Variants in MTA3 observed in about 807,000 individuals in gnomAD.
MTA3 encodes metastasis associated 1 family member 3.
Under a neutral mutation model 83.5 loss-of-function variants are expected in MTA3, and 34 were observed. The ratio of observed to expected loss-of-function variants is 0.41; its 90% confidence interval spans 0.31 to 0.54. The LOEUF (loss-of-function observed/expected upper bound fraction) is 0.54, where lower values mean the gene tolerates loss of function less well. MTA3 is among the 20% of genes least tolerant of loss of function. The probability of loss-of-function intolerance (pLI) is 0.33; values close to 1 mark genes in which losing one functional copy is unlikely to be tolerated. For missense variants in MTA3, 761 were observed against 726.4 expected (o/e 1.05, Z -0.55); for synonymous variants, 303 against 252.7 (o/e 1.20, Z -1.89).
At chr2:42,583,327 C>T (rs372021389) in intron 3 of MTA3, among the ~76,000 whole-genome samples, 1 of 152,086 alleles carries the variant, frequency 6.6e-6, no homozygotes, top group South Asian at 2.1e-4. Context: ...ATGTATCTTA[C>T]TGTATTTCTG....
At chr2:42,575,032 T>C (rs1678892463) in intron 2 of MTA3, among the ~76,000 whole-genome samples, 1 of 152,192 alleles carries the variant, frequency 6.6e-6, no homozygotes, top group Non-Finnish European at 1.5e-5. Flanking sequence ...AGAAAGTTAA[T>C]TACATCGAAA....
At chr2:42,553,501 C>T (rs1190617464) in intron 2 of MTA3, among the ~76,000 whole-genome samples, 10 of 150,910 alleles carry the variant, frequency 6.6e-5, no homozygotes, top group Admixed American at 1.3e-4. Flanking sequence ...TTTGGGAGGC[C>T]GAGGCGGGCA....
chr2:42,640,399 G>T (rs375973865), intron 5 of MTA3, among the ~76,000 whole-genome samples, 163 bp downstream of exon 5: 1 of 152,082 alleles, frequency 6.6e-6, no homozygotes, highest in Middle Eastern at 3.2e-3. Context: ...GGGTAAATTT[G>T]ATTTTTCTGG....
chr2:42,584,933 A>AG (rs1680089493), intron 3 of MTA3, among the ~76,000 whole-genome samples: 1 of 151,282 alleles, frequency 6.6e-6, no homozygotes, highest in African/African-American at 2.4e-5. Context: ...AGAAGCCATA[A>AG]GATTTTTTTT....
At chr2:42,684,089 A>G (rs1380957604) in intron 9 of MTA3, among the ~76,000 whole-genome samples, 3 of 152,330 alleles carry the variant, frequency 2.0e-5, no homozygotes, top group African/African-American at 7.2e-5. Context: ...GCAGTGGGGT[A>G]AATACCAGGT....
At chr2:42,555,326 A>G (rs1677327179) in intron 2 of MTA3, among the ~76,000 whole-genome samples, 1 of 148,392 alleles carries the variant, frequency 6.7e-6, no homozygotes, top group African/African-American at 2.5e-5. Flanking sequence ...ATGGTGGTGC[A>G]TGCCTGTAAT....
At chr2:42,700,672 C>G (rs904611191) in intron 11 of MTA3, among the ~76,000 whole-genome samples, 1 of 152,122 alleles carries the variant, frequency 6.6e-6, no homozygotes, top group Non-Finnish European at 1.5e-5. Flanking sequence ...TCAGTTCTAT[C>G]TATATATAGT....
intron 16 of MTA3, among the ~76,000 whole-genome samples, chr2:42,728,544 T>A (rs1343623251): frequency 6.6e-6 from 1 of 152,196 alleles, no homozygotes; most frequent in East Asian, 1.9e-4. Flanking sequence ...TAATTTACAT[T>A]CCCACCAACA....
intron 4 of MTA3, among the ~76,000 whole-genome samples, chr2:42,629,397 TGTTTTCA>T (rs1331369711): frequency 6.6e-6 from 1 of 152,150 alleles, no homozygotes; most frequent in African/African-American, 2.4e-5. Flanking sequence ...AGTCTTTTTT[TGTTTTCA>T]GGACCACAGA....
intron 2 of MTA3, among the ~76,000 whole-genome samples, chr2:42,559,976 T>C (rs1441153754): frequency 6.6e-6 from 1 of 152,106 alleles, no homozygotes; most frequent in African/African-American, 2.4e-5. Context: ...TTCCTTGAAA[T>C]ATGTCAATCT....
At chr2:42,746,443 G>A (rs1283315271) in intron 16 of MTA3, among the ~76,000 whole-genome samples, 1 of 152,104 alleles carries the variant, frequency 6.6e-6, no homozygotes, top group Non-Finnish European at 1.5e-5. Flanking sequence ...CACCAAGCAA[G>A]CAATCAGTTT....
At chr2:42,532,738 G>GT (rs35421981) in intron 2 of MTA3, 68,450 of 196,644 alleles carry the variant, frequency 0.35, 9,959 homozygotes, top group African/African-American at 0.41. Flanking sequence ...CAATCCAGAG[G>GT]TTTTTTTTTT....
At chr2:42,532,808 C>G (rs769579648) in intron 2 of MTA3, 36 of 397,642 alleles carry the variant, frequency 9.1e-5, no homozygotes, top group Non-Finnish European at 1.7e-4. Flanking sequence ...CGGGCTCCTT[C>G]CCATTGGTTC....
chr2:42,564,558 C>G (rs891831229), upstream of MTA3, among the ~76,000 whole-genome samples: 5 of 152,106 alleles, frequency 3.3e-5, no homozygotes, highest in Admixed American at 6.6e-5. Context: ...GAATATGAGA[C>G]AGACTGGCCT....
rs201657957 is a variant in MTA3 at position 42,690,296 on chromosome 2, C to A, written c.892-5469C>A. On this transcript the variant is annotated intron_variant, in intron 9 of 16. Coordinates refer to ENST00000405094, the MANE Select transcript of MTA3 (RefSeq NM_001330442.2). ...TGAAAAACTCTGCTATTACTTAAAA[C>A]ATATTTCATTTTTTATGTAATTCAC... 8.5e-5 allele frequency among the ~76,000 whole-genome samples: 13 copies of A among 152,310 alleles called. No homozygotes were observed. The East Asian group carries it at 2.5e-3, about 29-fold the overall frequency.
chr2:42,639,743 A>T (rs886134723), intron 4 of MTA3, among the ~76,000 whole-genome samples: 77 of 152,314 alleles, frequency 5.1e-4, no homozygotes, highest in Non-Finnish European at 4.7e-4. Context: ...CTGCTCATAA[A>T]AATCTGAATA....
chr2:42,548,848 TATATATATATAATATATATATATATATA>T (rs1326177835), intron 2 of MTA3, among the ~76,000 whole-genome samples: 317 of 25,718 alleles, frequency 0.012, 22 homozygotes, highest in Admixed American at 0.018. Context: ...ATATATATAA[TATATATATATAATATATATATATATATA>T]ATATATATAT....
At chr2:42,545,670 T>G (rs1273543479) in intron 2 of MTA3, among the ~76,000 whole-genome samples, 2 of 152,204 alleles carry the variant, frequency 1.3e-5, no homozygotes, top group African/African-American at 4.8e-5. Context: ...GCCTGGCACA[T>G]GGCAGGTTTT....
chr2:42,625,356 T>G (rs546590535), intron 4 of MTA3, among the ~76,000 whole-genome samples: 2 of 151,640 alleles, frequency 1.3e-5, no homozygotes. Context: ...TCCATTTTTC[T>G]TTTTTTCCCT....
Sources: gnomAD v4.1 joint callset for allele counts (sites outside exome capture counted in the v4.1 genomes callset) on GRCh38, gnomAD v4.1.1 for gene constraint, MANE v1.5 for transcripts, NCBI Gene and HGNC (gene_info 2026-07-23, HGNC 2026-07-21) for gene names.